JARID2: variants seen among roughly 807,000 people sequenced by gnomAD.
The protein encoded by JARID2 is protein Jumonji.
JARID2 carries 21 observed loss-of-function variants against 125.6 expected under a neutral mutation model. The observed-to-expected ratio is 0.17, with a 90% CI of 0.12 to 0.24. JARID2 has a LOEUF of 0.24. Ranked by LOEUF, JARID2 falls within the 10% of genes least tolerant of loss-of-function variation. The pLI is 1.00. For synonymous variants in JARID2, 736 were observed against 661.6 expected (o/e 1.11, Z -1.73); for missense variants, 1,303 against 1,639.6 (o/e 0.79, Z 3.55).
chr6:15,279,705 C>T (rs1371821727), intron 1 of JARID2, among the ~76,000 whole-genome samples: 1 of 152,164 alleles, frequency 6.6e-6, no homozygotes, highest in African/African-American at 2.4e-5. Context: ...GTTGATGAGG[C>T]ACTACCCTCT....
intron 1 of JARID2, among the ~76,000 whole-genome samples, chr6:15,251,212 C>T (rs924822549): frequency 2.6e-5 from 4 of 152,154 alleles, no homozygotes; most frequent in Admixed American, 1.3e-4. Flanking sequence ...AGTTTCATTT[C>T]ACCATATTGG....
intron 8 of JARID2, among the ~76,000 whole-genome samples, chr6:15,503,718 A>C (rs1292716122): frequency 6.6e-6 from 1 of 152,224 alleles, no homozygotes; most frequent in Non-Finnish European, 1.5e-5. Flanking sequence ...TTCTGGACTC[A>C]AGCAACAAAT....
At chr6:15,302,161 A>T (rs536750624) in intron 1 of JARID2, among the ~76,000 whole-genome samples, 1 of 152,314 alleles carries the variant, frequency 6.6e-6, no homozygotes, top group African/African-American at 2.4e-5. Context: ...CATGCCTGTA[A>T]TCCCAGCACT....
At chr6:15,482,298 C>T (rs981514723) in intron 5 of JARID2, among the ~76,000 whole-genome samples, 1 of 152,134 alleles carries the variant, frequency 6.6e-6, no homozygotes, top group African/African-American at 2.4e-5. Context: ...GAATTCCAGA[C>T]CCCTTTCTAC....
intron 1 of JARID2, among the ~76,000 whole-genome samples, chr6:15,306,328 C>CTTTTTT (rs398000594): frequency 5.0e-4 from 50 of 99,226 alleles, no homozygotes; most frequent in Non-Finnish European, 7.1e-4. Context: ...AGTCATATTT[C>CTTTTTT]TTTTTTTTTT....
At chr6:15,499,866 CTG>C (rs1331916451) in intron 7 of JARID2, among the ~76,000 whole-genome samples, 1 of 152,158 alleles carries the variant, frequency 6.6e-6, no homozygotes, top group Admixed American at 6.5e-5. Flanking sequence ...AACTCGCTCT[CTG>C]TGTGTGCTGT....
chr6:15,263,065 GGTGTGTGTTTGTGTGTGT>G (rs1430035286), intron 1 of JARID2, among the ~76,000 whole-genome samples: 5 of 140,984 alleles, frequency 3.5e-5, no homozygotes, highest in African/African-American at 1.3e-4. Flanking sequence ...CCCTTTGGAG[GGTGTGTGTTTGTGTGTGT>G]GTGTGTGTGT....
At chr6:15,247,983 C>G (rs1276098306) in intron 1 of JARID2, 2 of 985,340 alleles carry the variant, frequency 2.0e-6, no homozygotes, top group African/African-American at 3.5e-5. Context: ...AGCCACAAAG[C>G]AAATGGGGTA....
chr6:15,276,125 TA>T (rs1254761644), intron 1 of JARID2, among the ~76,000 whole-genome samples: 1 of 152,202 alleles, frequency 6.6e-6, no homozygotes, highest in Non-Finnish European at 1.5e-5. Context: ...GGAAAGGAGA[TA>T]AATGGATGTT....
At chr6:15,469,306 C>CTCTCTCTCTG (rs1768915192) in intron 5 of JARID2, among the ~76,000 whole-genome samples, 2 of 78,048 alleles carry the variant, frequency 2.6e-5, no homozygotes, top group Non-Finnish European at 6.2e-5. Context: ...CTGTCTCTGT[C>CTCTCTCTCTG]TCTCTCTCTC....
At chr6:15,462,514 T>G (rs566221748) in intron 4 of JARID2, among the ~76,000 whole-genome samples, 1 of 152,372 alleles carries the variant, frequency 6.6e-6, no homozygotes, top group South Asian at 2.1e-4. Context: ...CTTCTGTGAC[T>G]TCTTTCATCT....
intron 1 of JARID2, among the ~76,000 whole-genome samples, chr6:15,369,782 A>G (rs1030517179): frequency 1.3e-5 from 2 of 152,218 alleles, no homozygotes; most frequent in African/African-American, 2.4e-5. Context: ...AGCTGGAATC[A>G]TTGGTCAACA....
At chr6:15,271,804 A>G (rs1561759901) in intron 1 of JARID2, among the ~76,000 whole-genome samples, 1 of 152,158 alleles carries the variant, frequency 6.6e-6, no homozygotes, top group East Asian at 1.9e-4. Flanking sequence ...GTTAAAGACA[A>G]TCCTGGCCAA....
At chr6:15,285,040 T>G (rs1760939065) in intron 1 of JARID2, among the ~76,000 whole-genome samples, 1 of 151,960 alleles carries the variant, frequency 6.6e-6, no homozygotes, top group Admixed American at 6.6e-5. Context: ...ATGATGTAAC[T>G]GCTTTGAAAA....
intron 1 of JARID2, among the ~76,000 whole-genome samples, chr6:15,273,235 T>G (rs565776544): frequency 1.3e-5 from 2 of 152,190 alleles, no homozygotes; most frequent in African/African-American, 2.4e-5. Flanking sequence ...TGTGAGCTAT[T>G]GAATACACTT....
chr6:15,462,731 C>T (rs983122544), intron 4 of JARID2, among the ~76,000 whole-genome samples: 21 of 152,288 alleles, frequency 1.4e-4, no homozygotes, highest in African/African-American at 4.8e-4. Flanking sequence ...TAGGGTCTTT[C>T]CAAAATACAG....
intron 3 of JARID2, among the ~76,000 whole-genome samples, chr6:15,416,614 C>T (rs1233623179): frequency 7.9e-5 from 12 of 151,338 alleles, no homozygotes; most frequent in South Asian, 2.1e-4. Flanking sequence ...GGCAGGGAGG[C>T]TGCAGTGAGC....
In JARID2 at chr6:15,452,332, AGT is replaced by A. The variant is rs538291218; in HGVS notation, c.493+163_493+164del. On this transcript the variant is annotated intron_variant, in intron 4 of 17. Coordinates refer to ENST00000341776, the MANE Select transcript of JARID2 (RefSeq NM_004973.4). ...TGAAAGTGAGAAATCCCACCGAGAGAGTGTGTGCTGGGTGTGGCTTTTGAACC... is the reference window on the plus strand; with the variant it reads ...TGAAAGTGAGAAATCCCACCGAGAGAGTGTGCTGGGTGTGGCTTTTGAACC... The A allele has an allele frequency of 2.4e-4, 168 of 697,570 alleles. No homozygotes were observed. The African/African-American group carries it at 3.1e-3, about 13-fold the overall frequency. 43.2% of individuals were successfully genotyped at this position (697,570 alleles called of 1,614,324 possible).
At chr6:15,412,312 T>TG (rs879784569) in intron 3 of JARID2, among the ~76,000 whole-genome samples, 11 of 152,086 alleles carry the variant, frequency 7.2e-5, no homozygotes, top group South Asian at 6.2e-4. Flanking sequence ...TTTCTTTTTT[T>TG]GGGGGGGTTG....
Sources: allele counts gnomAD v4.1 joint callset (sites outside exome capture counted in the v4.1 genomes callset), GRCh38; gene constraint gnomAD v4.1.1; transcripts MANE v1.5; gene names NCBI Gene and HGNC (gene_info 2026-07-23, HGNC 2026-07-21).